Variants in ACTN4 observed in about 807,000 individuals in gnomAD.
ACTN4 encodes the protein alpha-actinin-4.
Under a neutral mutation model 114.2 loss-of-function variants are expected in ACTN4, and 18 were observed. The observed-to-expected ratio is 0.16, with a 90% CI of 0.11 to 0.23. The LOEUF (loss-of-function observed/expected upper bound fraction) is 0.23. Ranked by LOEUF, ACTN4 falls within the 10% of genes least tolerant of loss-of-function variation. ACTN4 has a pLI of 1.00. For synonymous variants in ACTN4, 515 were observed against 506.3 expected, an observed-to-expected ratio of 1.02 and a Z score of -0.23; for missense variants, 722 against 1,262.9, an observed-to-expected ratio of 0.57 and a Z score of 6.49.
intron 6 of ACTN4, among the ~76,000 whole-genome samples, chr19:38,708,610 T>G (rs1003331889): frequency 3.3e-5 from 5 of 152,226 alleles, no homozygotes; most frequent in Admixed American, 6.5e-5. Context: ...AAAGCCTGTA[T>G]GGATCCAGGC....
At chr19:38,673,548 T>TC (rs1967228227) in intron 1 of ACTN4, among the ~76,000 whole-genome samples, 1 of 61,880 alleles carries the variant, frequency 1.6e-5, no homozygotes, top group Non-Finnish European at 3.9e-5. Flanking sequence ...TATATATATT[T>TC]ATATATACTT....
chr19:38,692,722 GGCCTACCCAGGTGATAA>G (rs1967970281), intron 1 of ACTN4, among the ~76,000 whole-genome samples: 1 of 152,184 alleles, frequency 6.6e-6, no homozygotes. Context: ...GTGATAAGAA[GGCCTACCCAGGTGATAA>G]GCCTACCCAG....
intron 1 of ACTN4, among the ~76,000 whole-genome samples, chr19:38,648,733 G>A (rs1312691575): frequency 2.0e-5 from 3 of 151,872 alleles, no homozygotes; most frequent in African/African-American, 4.8e-5. Context: ...AATAATAAGA[G>A]GAATTGATGA....
intron 1 of ACTN4, among the ~76,000 whole-genome samples, chr19:38,649,107 C>G: frequency 8.4e-6 from 1 of 118,952 alleles, no homozygotes; most frequent in Non-Finnish European, 1.6e-5. Flanking sequence ...AGAATTGTGT[C>G]TTTTTTGGAG....
intron 1 of ACTN4, among the ~76,000 whole-genome samples, chr19:38,658,302 T>C (rs1453483870): frequency 1.3e-5 from 2 of 152,204 alleles, no homozygotes; most frequent in Non-Finnish European, 2.9e-5. Flanking sequence ...AACTGGAATC[T>C]CAGCTATGTG....
At chr19:38,655,443 A>G (rs142645798) in intron 1 of ACTN4, among the ~76,000 whole-genome samples, 129 of 152,286 alleles carry the variant, frequency 8.5e-4, no homozygotes, top group African/African-American at 2.0e-3. Flanking sequence ...AACTTTCTCA[A>G]TGTGATTCAG....
Position 38,710,463 on chromosome 19 carries a change from G to A in ACTN4, c.819+121G>A, listed in dbSNP as rs370047979. On this transcript the variant is annotated intron_variant, in intron 8 of 20. Coordinates refer to ENST00000252699, the MANE Select transcript of ACTN4 (RefSeq NM_004924.6). ...GGCAGTGGCCTCTCTCCAACTGGAA[G>A]CCACCCCCAGCTCCCTGGCGTTGCT... 252 of 1,037,310 alleles carry A rather than the reference G, an allele frequency of 2.4e-4. No individual in the cohort carries two copies. In the African/African-American group the frequency reaches 3.2e-3, roughly 13 times the overall value. 64.3% of individuals were successfully genotyped at this position (1,037,310 alleles called of 1,614,324 possible).
At chr19:38,686,012 G>A (rs1234283899) in intron 1 of ACTN4, among the ~76,000 whole-genome samples, 6 of 152,300 alleles carry the variant, frequency 3.9e-5, no homozygotes, top group African/African-American at 1.2e-4. Context: ...AGATTGAACA[G>A]AGGGAGAAAC....
intron 11 of ACTN4, among the ~76,000 whole-genome samples, chr19:38,719,613 G>A (rs924252885): frequency 2.0e-5 from 3 of 152,254 alleles, no homozygotes; most frequent in South Asian, 2.1e-4. Flanking sequence ...TGTTAGCACC[G>A]ATGCCATCTT....
intron 2 of ACTN4, 81 bp from the exon 3 acceptor site, chr19:38,700,921 C>T: frequency 6.3e-7 from 1 of 1,574,878 alleles, no homozygotes; most frequent in Non-Finnish European, 8.6e-7. Flanking sequence ...AGAGGAGACT[C>T]TAAAGCCTCT....
At position 38,730,263 on chromosome 19, in the gene ACTN4, T is replaced by C. The variant is rs541743616; in HGVS notation, c.*831T>C. On this transcript the variant is annotated 3_prime_UTR_variant, in exon 21 of 21. Coordinates refer to ENST00000252699, the MANE Select transcript of ACTN4 (RefSeq NM_004924.6). ...ATATATTCACCTAGCAACATATCTC[T>C]GCCGTCTCTCCTGCTCTCATAATGA... 8.8e-5 allele frequency: 14 copies of C among 158,942 alleles called. No individual in the cohort carries two copies. The highest frequency in any genetic ancestry group is 1.8e-4 in the Admixed American group (3 of 16,630). The allele number at this position is 158,942 out of a possible 1,614,324, so 9.8% of individuals were successfully genotyped here. A position where few individuals can be genotyped will look rare whatever the true frequency, so the allele number is the denominator to read the frequency against.
intron 1 of ACTN4, among the ~76,000 whole-genome samples, chr19:38,680,866 C>T (rs996818616): frequency 2.0e-5 from 3 of 152,062 alleles, no homozygotes; most frequent in African/African-American, 7.2e-5. Context: ...TGGCTCACAC[C>T]TGTAATCCCA....
In ACTN4 at chr19:38,730,840, C is replaced by T; in HGVS notation, c.*1408C>T. On this transcript the variant is annotated 3_prime_UTR_variant, in exon 21 of 21. Transcript: ENST00000252699. ...CCCTGCCCTGAGCAGCAGGTGCGCC[C>T]ATCCGGAGATCCTAGGAGAAGGTGG... 1.9e-6 allele frequency: 3 copies of T among 1,550,962 alleles called. No homozygotes were observed. The highest frequency in any genetic ancestry group is 2.6e-6 in the Non-Finnish European group (3 of 1,147,208).
At chr19:38,721,761 G>A (rs1416260507) in intron 12 of ACTN4, 73 bp downstream of exon 12, 11 of 1,591,582 alleles carry the variant, frequency 6.9e-6, no homozygotes, top group Middle Eastern at 3.3e-4. Context: ...GCGGCAGCAC[G>A]CCGAGGCCCA....
chr19:38,659,052 C>CTTCTT (rs1210660969), intron 1 of ACTN4, among the ~76,000 whole-genome samples: 2 of 90,632 alleles, frequency 2.2e-5, no homozygotes, highest in African/African-American at 7.1e-5. Flanking sequence ...ACTTTTTTTT[C>CTTCTT]TTCTTTTCTT....
At chr19:38,693,997 C>T (rs1160849638) in intron 1 of ACTN4, among the ~76,000 whole-genome samples, 1 of 152,200 alleles carries the variant, frequency 6.6e-6, no homozygotes, top group Non-Finnish European at 1.5e-5. Flanking sequence ...TAATAGGCTG[C>T]CCGTGTGCAG....
In ACTN4 at chr19:38,727,927, C is replaced by T. The variant is rs550716671; in HGVS notation, c.2338-19C>T. 6.7e-5 allele frequency: 108 copies of T among 1,611,940 alleles called. 2 individuals are homozygous for T. The South Asian group carries it at 1.1e-3, about 17-fold the overall frequency. ...CACGCCGCCCCTCCCGCACACCTGC[C>T]TTCGGATGGCCCCGGCAGGATCATG... On this transcript the variant is annotated intron_variant, in intron 18 of 20. Transcript: ENST00000252699. This position sits in a 1 kb window ranked among gnomAD's most constrained non-coding sequence, Gnocchi z 5.4.
In ACTN4 at chr19:38,719,206, C is replaced by T. The variant is rs559051509; in HGVS notation, c.1291+1132C>T. On this transcript the variant is annotated intron_variant, in intron 11 of 20. Coordinates refer to ENST00000252699, the MANE Select transcript of ACTN4 (RefSeq NM_004924.6). ...GGAAGCCTTCAGAAAGCTGCCAGTG[C>T]CTGGGAGAGCCACAAGAGCCACTCA... is the stretch of plus-strand genomic sequence containing the variant. Among the ~76,000 whole-genome samples, 26 of 152,352 alleles carry T rather than the reference C, an allele frequency of 1.7e-4. 1 individual carries two copies. In the South Asian group the frequency reaches 5.2e-3, roughly 30 times the overall value.
Position 38,710,368 on chromosome 19 carries a change from T to G in ACTN4, c.819+26T>G, listed in dbSNP as rs202056002. ...GTACCGAGCAGGGCCAGGCAGGCCC[T>G]CCTCGCCGCCACCGCGCAATGCCGC... On this transcript the variant is annotated intron_variant, in intron 8 of 20. Transcript: ENST00000252699. The G allele has an allele frequency of 5.8e-3, 9,390 of 1,609,828 alleles. 41 individuals carry two copies. Among genetic ancestry groups the G allele is most frequent in the Non-Finnish European group, 7.3e-3 (8,631 of 1,178,516 alleles).
Sources: allele counts gnomAD v4.1 joint callset (sites outside exome capture counted in the v4.1 genomes callset), GRCh38; gene constraint gnomAD v4.1.1; non-coding constraint Gnocchi (gnomAD v3.1); transcripts MANE v1.5; gene names NCBI Gene and HGNC (gene_info 2026-07-23, HGNC 2026-07-21).